SELENOI: variants seen among roughly 807,000 people sequenced by gnomAD.
SELENOI encodes the protein ethanolaminephosphotransferase 1.
In SELENOI, 24 loss-of-function variants were observed where a neutral mutation model predicts 50.7. The observed-to-expected ratio is 0.47, with a 90% CI of 0.34 to 0.67. The LOEUF (loss-of-function observed/expected upper bound fraction) is 0.67, where lower values mean the gene tolerates loss of function less well. Ranked by LOEUF, SELENOI falls within the 30% of genes least tolerant of loss-of-function variation. The pLI is 0.01. For missense variants in SELENOI, 352 were observed against 461.4 expected, an observed-to-expected ratio of 0.76 and a Z score of 2.17; for synonymous variants, 155 against 170.2, an observed-to-expected ratio of 0.91 and a Z score of 0.70.
At chr2:26,369,317 T>C (rs959993169) in intron 4 of SELENOI, among the ~76,000 whole-genome samples, 3 of 152,380 alleles carry the variant, frequency 2.0e-5, no homozygotes, top group East Asian at 3.9e-4. Flanking sequence ...TACCCTTGGA[T>C]TGAGTTCCTT....
At chr2:26,368,989 A>G (rs927268241) in intron 4 of SELENOI, among the ~76,000 whole-genome samples, 13 of 152,232 alleles carry the variant, frequency 8.5e-5, no homozygotes, top group African/African-American at 2.9e-4. Flanking sequence ...GCACTGGGGA[A>G]TGTACTTTGG....
intron 1 of SELENOI, 165 bp downstream of exon 1, chr2:26,346,454 G>T: frequency 1.2e-6 from 1 of 835,236 alleles, no homozygotes; most frequent in South Asian, 2.0e-5. Context: ...GGGTCGGGGA[G>T]CGTGGGAGCA....
intron 1 of SELENOI, among the ~76,000 whole-genome samples, chr2:26,361,490 T>C (rs763739395): frequency 6.6e-6 from 1 of 152,228 alleles, no homozygotes; most frequent in Non-Finnish European, 1.5e-5. Context: ...CTGTGTGTAC[T>C]GTACTTACCT....
intron 6 of SELENOI, among the ~76,000 whole-genome samples, chr2:26,376,975 G>A (rs1363098607): frequency 1.3e-5 from 2 of 152,172 alleles, no homozygotes; most frequent in South Asian, 2.1e-4. Context: ...TGACTGTGAT[G>A]TACCTAGGTG....
intron 3 of SELENOI, among the ~76,000 whole-genome samples, chr2:26,366,309 T>G (rs1677286234): frequency 6.6e-6 from 1 of 152,150 alleles, no homozygotes; most frequent in Non-Finnish European, 1.5e-5. Flanking sequence ...TTGTGGGTTT[T>G]TAAAAATTTA....
intron 9 of SELENOI, among the ~76,000 whole-genome samples, chr2:26,386,742 G>A (rs1234186564): frequency 1.3e-5 from 2 of 152,144 alleles, no homozygotes; most frequent in South Asian, 2.1e-4. Context: ...GTATGTTACT[G>A]TAATAACAAA....
intron 1 of SELENOI, among the ~76,000 whole-genome samples, chr2:26,361,120 A>G (rs906144135): frequency 2.0e-4 from 30 of 152,256 alleles, no homozygotes; most frequent in African/African-American, 7.0e-4. Flanking sequence ...AGGCTGAAGC[A>G]GGAGAATGGC....
chr2:26,361,042 G>A (rs1038298999), intron 1 of SELENOI, among the ~76,000 whole-genome samples: 10 of 152,164 alleles, frequency 6.6e-5, no homozygotes, highest in African/African-American at 2.4e-4. Flanking sequence ...GTGAAACTCC[G>A]TCTCTACTAA....
At chr2:26,361,947 G>A (rs1039711768) in intron 1 of SELENOI, among the ~76,000 whole-genome samples, 6 of 151,748 alleles carry the variant, frequency 4.0e-5, no homozygotes, top group African/African-American at 1.5e-4. Context: ...CGTGAGCCAC[G>A]CACCTAGCCA....
At chr2:26,364,797 A>G in intron 2 of SELENOI, 35 bp from the exon 3 acceptor site, 1 of 1,456,940 alleles carries the variant, frequency 6.9e-7, no homozygotes, top group Non-Finnish European at 9.5e-7. Context: ...AGATTCCTCT[A>G]CTTTAATTAT....
At chr2:26,347,980 C>T (rs1231729390) in intron 1 of SELENOI, among the ~76,000 whole-genome samples, 1 of 152,142 alleles carries the variant, frequency 6.6e-6, no homozygotes, top group Non-Finnish European at 1.5e-5. Flanking sequence ...GTCCAATGTT[C>T]ACTAAAATAG....
At chr2:26,379,103 A>G (rs1677628762) in intron 6 of SELENOI, among the ~76,000 whole-genome samples, 1 of 152,074 alleles carries the variant, frequency 6.6e-6, no homozygotes, top group Non-Finnish European at 1.5e-5. Flanking sequence ...GGTCTCTACT[A>G]AAAATACAAA....
intron 3 of SELENOI, among the ~76,000 whole-genome samples, chr2:26,366,845 ATATAT>A (rs1407494503): frequency 2.0e-5 from 3 of 152,232 alleles, no homozygotes; most frequent in African/African-American, 7.2e-5. Context: ...AATTCCAAAA[ATATAT>A]TATTTTTCAT....
At chr2:26,353,693 G>A (rs6546932) in intron 1 of SELENOI, among the ~76,000 whole-genome samples, 64,079 of 152,030 alleles carry the variant, frequency 0.42, 14,544 homozygotes, top group Non-Finnish European at 0.51. Flanking sequence ...GAGACAAGAA[G>A]GATGGGTGGA....
chr2:26,363,905 C>T (rs904143737), intron 1 of SELENOI, among the ~76,000 whole-genome samples: 22 of 151,978 alleles, frequency 1.4e-4, no homozygotes, highest in African/African-American at 5.3e-4. Flanking sequence ...CATGGCCCAG[C>T]AAATTTTTGT....
chr2:26,364,905 T>C lies in SELENOI; in HGVS notation c.200T>C (p.Leu67Pro), dbSNP rs1331531306. The C allele has an allele frequency of 6.2e-7, 1 of 1,610,566 alleles. No homozygotes were observed. The highest frequency in any genetic ancestry group is 8.5e-7 in the Non-Finnish European group (1 of 1,178,326). The change falls in exon 3 of 10, where the codon CTA (leucine) becomes CCA (proline). Residue 67 changes from leucine (L) to proline (P), a missense_variant. Leu to Pro is a moderately conservative substitution (Grantham distance 98). Coordinates refer to ENST00000260585, the MANE Select transcript of SELENOI (RefSeq NM_033505.4). ...CTGCTGGTCGTATTCAATTTTCTGCTAATGGCATACTTTGATCCTGACTTT... is the reference window on the plus strand; with the variant it reads ...CTGCTGGTCGTATTCAATTTTCTGCCAATGGCATACTTTGATCCTGACTTT... ...GFLLVVFNFL[L>P]MAYFDPDFYA...
rs1365266010 is a variant in SELENOI at position 26,394,016 on chromosome 2, G to A, written c.*4913G>A. ...CACTTTTTGAATATCTCAAGAGTAA[G>A]TTCTTGACCTGGAACATATATAGTT... is the stretch of plus-strand genomic sequence containing the variant. On this transcript the variant is annotated 3_prime_UTR_variant, in exon 10 of 10. Transcript: ENST00000260585. The surrounding 1 kb of genome is among the most constrained non-coding windows in gnomAD (Gnocchi z 4.1). 6.6e-6 allele frequency: 1 copy of A among 152,188 alleles called. No homozygotes were observed. Among genetic ancestry groups the A allele is most frequent in the Non-Finnish European group, 1.5e-5 (1 of 68,022 alleles). 9.4% of individuals were successfully genotyped at this position (152,188 alleles called of 1,614,324 possible). A position where few individuals can be genotyped will look rare whatever the true frequency, so the allele number is the denominator to read the frequency against.
At chr2:26,355,317 A>T (rs2147945215) in intron 1 of SELENOI, among the ~76,000 whole-genome samples, 1 of 152,376 alleles carries the variant, frequency 6.6e-6, no homozygotes, top group East Asian at 1.9e-4. Context: ...GAGTCTGTCT[A>T]GCTTGGGTCC....
chr2:26,388,932 G>A (rs1677904218), intron 9 of SELENOI, 73 bp from the exon 10 acceptor site: 1 of 1,151,982 alleles, frequency 8.7e-7, no homozygotes, highest in South Asian at 1.3e-5. Context: ...ATCTCTAGGG[G>A]GTAAATTCTG....
Sources: gnomAD v4.1 joint callset for allele counts (sites outside exome capture counted in the v4.1 genomes callset) on GRCh38, gnomAD v4.1.1 for gene constraint, Gnocchi (gnomAD v3.1) non-coding constraint, MANE v1.5 for transcripts, NCBI Gene and HGNC (gene_info 2026-07-23, HGNC 2026-07-21) for gene names.